The following CDKL3 variants were observed in gnomAD, a reference collection of about 807,000 sequenced individuals.
The protein encoded by CDKL3 is cyclin-dependent kinase-like 3.
In CDKL3, 65 loss-of-function variants were observed where a neutral mutation model predicts 69.3. That is an observed-to-expected ratio of 0.94 (90% CI 0.77 to 1.15). The LOEUF (loss-of-function observed/expected upper bound fraction) is 1.15. Ranked by LOEUF, CDKL3 falls within the 50% of genes most tolerant of loss-of-function variation. The pLI is 0.00. For synonymous variants in CDKL3, 202 were observed against 221.6 expected, an observed-to-expected ratio of 0.91 and a Z score of 0.79; for missense variants, 652 against 689.2, an observed-to-expected ratio of 0.95 and a Z score of 0.61.
intron 4 of CDKL3, among the ~76,000 whole-genome samples, chr5:134,335,581 A>G (rs894980187): frequency 6.6e-6 from 1 of 152,072 alleles, no homozygotes; most frequent in South Asian, 2.1e-4. Context: ...TTCACTTAAA[A>G]GCTTAGTTTG....
At chr5:134,307,651 C>T (rs548776775) in intron 9 of CDKL3, among the ~76,000 whole-genome samples, 2 of 152,340 alleles carry the variant, frequency 1.3e-5, no homozygotes, top group South Asian at 4.1e-4. Flanking sequence ...GGACCAGTCT[C>T]TCAATCTGTA....
intron 5 of CDKL3, among the ~76,000 whole-genome samples, chr5:134,319,895 A>G (rs1255173908): frequency 1.3e-5 from 2 of 152,258 alleles, no homozygotes; most frequent in Non-Finnish European, 2.9e-5. Context: ...CTAAAATATT[A>G]AAGGTATGTA....
chr5:134,344,326 CA>C (rs1751273437), intron 4 of CDKL3, among the ~76,000 whole-genome samples: 2 of 151,920 alleles, frequency 1.3e-5, no homozygotes, highest in South Asian at 4.2e-4. Context: ...ATTTGAAAAT[CA>C]AAAGACAGAA....
chr5:134,319,394 A>G lies in CDKL3; in HGVS notation c.756T>C (p.Tyr252=), dbSNP rs763150958. The G allele has an allele frequency of 2.6e-6, 4 of 1,535,508 alleles. No homozygotes were observed. In the South Asian group the frequency reaches 5.0e-5, roughly 19 times the overall value. ...CTGCCAACAATCCATTAAGCTTTGG[A>G]TATTTTTTTCTTGCATTTTTGGGGT... The part of the protein sequence containing the change: ...VQHPKNARKK[Y]PKLNGLLADI... The change falls in exon 6 of 13, where the codon TAT becomes TAC. Residue 252 remains tyrosine (Y), a synonymous_variant. Coordinates refer to ENST00000265334, the MANE Select transcript of CDKL3 (RefSeq NM_001113575.2).
chr5:134,351,342 G>A (rs1753263159), intron 3 of CDKL3, among the ~76,000 whole-genome samples: 1 of 152,100 alleles, frequency 6.6e-6, no homozygotes, highest in Admixed American at 6.6e-5. Context: ...TTGTCACTTG[G>A]TTATAGGGAC....
At chr5:134,319,175 A>G in intron 6 of CDKL3, 183 bp downstream of exon 6, 1 of 437,264 alleles carries the variant, frequency 2.3e-6, no homozygotes, top group Non-Finnish European at 3.9e-6. Flanking sequence ...TACTGAAAAT[A>G]CAAAAATTAG....
chr5:134,347,521 G>A (rs1253702751), intron 4 of CDKL3, among the ~76,000 whole-genome samples: 1 of 151,870 alleles, frequency 6.6e-6, no homozygotes, highest in South Asian at 2.1e-4. Flanking sequence ...GTTGATGAAT[G>A]GGTAAATAAA....
At chr5:134,295,663 TATA>T (rs1765315711), downstream of CDKL3, among the ~76,000 whole-genome samples, 1 of 152,224 alleles carries the variant, frequency 6.6e-6, no homozygotes, top group African/African-American at 2.4e-5. Context: ...ATCACAATAT[TATA>T]ATAAGTTATG....
chr5:134,300,292 T>A (rs1766003057), intron 12 of CDKL3, among the ~76,000 whole-genome samples: 1 of 152,094 alleles, frequency 6.6e-6, no homozygotes, highest in South Asian at 2.1e-4. Context: ...TGAGCTAAGA[T>A]CACACCACTG....
At chr5:134,335,237 C>T (rs758478003) in intron 4 of CDKL3, among the ~76,000 whole-genome samples, 3 of 151,710 alleles carry the variant, frequency 2.0e-5, no homozygotes, top group Non-Finnish European at 4.4e-5. Flanking sequence ...AGATGGGTCC[C>T]CTGAATACAG....
At chr5:134,371,528 C>T (rs1352840735), upstream of CDKL3, 2 of 1,542,258 alleles carry the variant, frequency 1.3e-6, no homozygotes, top group Non-Finnish European at 8.7e-7. Context: ...TCGGCCGCCG[C>T]GCCGGGGGGT....
intron 8 of CDKL3, among the ~76,000 whole-genome samples, chr5:134,288,620 A>C (rs1764983719): frequency 6.6e-6 from 1 of 152,208 alleles, no homozygotes; most frequent in Non-Finnish European, 1.5e-5. Context: ...AGTCAGGATA[A>C]ACTCAGATAA....
chr5:134,293,177 C>G (rs906961324), intron 8 of CDKL3, among the ~76,000 whole-genome samples: 1 of 151,782 alleles, frequency 6.6e-6, no homozygotes, highest in Non-Finnish European at 1.5e-5. Context: ...TGCGCCACCA[C>G]GCCCAGCTAA....
upstream of CDKL3, among the ~76,000 whole-genome samples, chr5:134,368,394 G>A (rs534889215): frequency 2.6e-4 from 39 of 152,172 alleles, no homozygotes; most frequent in African/African-American, 3.9e-4. Flanking sequence ...CCAGGCGGGC[G>A]GATCACGAGG....
At chr5:134,301,979 A>G (rs1766472134) in intron 12 of CDKL3, among the ~76,000 whole-genome samples, 1 of 152,180 alleles carries the variant, frequency 6.6e-6, no homozygotes, top group South Asian at 2.1e-4. Flanking sequence ...ATAGGAGGCC[A>G]TCGATATGAT....
At chr5:134,299,624 C>T (rs1765826555) in intron 12 of CDKL3, 1 of 1,462,702 alleles carries the variant, frequency 6.8e-7, no homozygotes. Context: ...GTGTATGTAA[C>T]ATTAATAAAA....
At chr5:134,314,050 G>A (rs1199291565) in intron 6 of CDKL3, among the ~76,000 whole-genome samples, 2 of 152,024 alleles carry the variant, frequency 1.3e-5, no homozygotes, top group Non-Finnish European at 2.9e-5. Context: ...AGGCTAAGGC[G>A]GAAGAATTGC....
intron 3 of CDKL3, among the ~76,000 whole-genome samples, chr5:134,350,841 A>G (rs1438407409): frequency 2.7e-5 from 4 of 150,232 alleles, no homozygotes; most frequent in Non-Finnish European, 5.9e-5. Flanking sequence ...GAAAAAAAAA[A>G]AAAGAAAAAA....
intron 4 of CDKL3, among the ~76,000 whole-genome samples, chr5:134,342,363 C>G (rs1188900659): frequency 6.6e-6 from 1 of 152,030 alleles, no homozygotes; most frequent in Non-Finnish European, 1.5e-5. Flanking sequence ...CTTTGGGAGG[C>G]CGAGGCAGGT....
Sources: allele counts gnomAD v4.1 joint callset (sites outside exome capture counted in the v4.1 genomes callset), GRCh38; gene constraint gnomAD v4.1.1; transcripts MANE v1.5; gene names NCBI Gene and HGNC (gene_info 2026-07-23, HGNC 2026-07-21).